Variants in ZBTB20 observed in about 807,000 individuals in gnomAD.
The protein encoded by ZBTB20 is zinc finger and BTB domain containing 20.
A neutral mutation model predicts 56.9 loss-of-function variants in ZBTB20; 9 were observed. The ratio of observed to expected loss-of-function variants is 0.16; its 90% CI spans 0.10 to 0.28. The LOEUF is 0.28. Among genes scored for constraint, ZBTB20 ranks in the 10% least tolerant of loss-of-function variants. The probability of loss-of-function intolerance (pLI) is 1.00; values close to 1 mark genes in which losing one functional copy is unlikely to be tolerated. For missense variants in ZBTB20, 655 were observed against 1,003.0 expected, an observed-to-expected ratio of 0.65 and a Z score of 4.69; for synonymous variants, 417 against 420.7, an observed-to-expected ratio of 0.99 and a Z score of 0.11.
Position 115,084,058 on chromosome 3 carries a change from T to TA in ZBTB20, c.-702-12645dup, listed in dbSNP as rs534445530. 3.6e-3 allele frequency among the ~76,000 whole-genome samples: 540 copies of TA among 152,014 alleles called. 3 individuals carry two copies. The highest frequency in any genetic ancestry group is 0.012 in the African/African-American group (513 of 41,522). ...GCTAATAAAGTGTTAAAAGTTTTTTTAATAAAGGATAGTAAAATAATGTTA... is the reference window on the plus strand; with the variant it reads ...GCTAATAAAGTGTTAAAAGTTTTTTTAAATAAAGGATAGTAAAATAATGTTA... On this transcript the variant is annotated intron_variant, in intron 1 of 11. Transcript: ENST00000675478.
chr3:115,037,588 GT>G (rs2108375104), intron 2 of ZBTB20, among the ~76,000 whole-genome samples: 1 of 152,224 alleles, frequency 6.6e-6, no homozygotes, highest in South Asian at 2.1e-4. Flanking sequence ...TGGGCCCCAA[GT>G]AAAGAATTTT....
At chr3:114,934,237 GACTCTGCCCT>G (rs2076455548) in intron 3 of ZBTB20, among the ~76,000 whole-genome samples, 1 of 152,076 alleles carries the variant, frequency 6.6e-6, no homozygotes, top group Admixed American at 6.5e-5. Flanking sequence ...CCCATTTCTA[GACTCTGCCCT>G]GGCAGAGTCC....
At chr3:114,755,763 G>A (rs547676191) in intron 5 of ZBTB20, among the ~76,000 whole-genome samples, 3 of 152,016 alleles carry the variant, frequency 2.0e-5, no homozygotes, top group Admixed American at 6.6e-5. Flanking sequence ...TTCTGCTTCC[G>A]ACCTGACCTT....
chr3:114,404,897 G>A (rs1167407570), intron 7 of ZBTB20, among the ~76,000 whole-genome samples: 1 of 152,032 alleles, frequency 6.6e-6, no homozygotes, highest in Non-Finnish European at 1.5e-5. Flanking sequence ...CACAACTCAC[G>A]ACTAGCATAA....
intron 6 of ZBTB20, among the ~76,000 whole-genome samples, chr3:114,523,249 A>AT (rs1177267658): frequency 6.6e-6 from 1 of 152,212 alleles, no homozygotes; most frequent in Non-Finnish European, 1.5e-5. Flanking sequence ...TGGTTAATGG[A>AT]TTTAGCAACA....
chr3:114,887,775 T>C (rs759562934), intron 4 of ZBTB20, among the ~76,000 whole-genome samples: 1 of 152,126 alleles, frequency 6.6e-6, no homozygotes, highest in Admixed American at 6.5e-5. Flanking sequence ...ACAGCAGCCA[T>C]AGGTAACTAG....
intron 4 of ZBTB20, among the ~76,000 whole-genome samples, chr3:114,802,761 A>G (rs1347602715): frequency 6.6e-6 from 1 of 151,912 alleles, no homozygotes; most frequent in Non-Finnish European, 1.5e-5. Context: ...AAAACTGCCC[A>G]CCTCTGGATA....
intron 6 of ZBTB20, among the ~76,000 whole-genome samples, chr3:114,525,370 C>T (rs2047101532): frequency 6.6e-6 from 1 of 152,114 alleles, no homozygotes; most frequent in Admixed American, 6.5e-5. Flanking sequence ...TCCCTCCTTT[C>T]CTGCTCAAAC....
intron 2 of ZBTB20, among the ~76,000 whole-genome samples, chr3:114,992,856 C>G (rs966562419): frequency 6.6e-6 from 1 of 151,750 alleles, no homozygotes; most frequent in Non-Finnish European, 1.5e-5. Context: ...ATCAGCATTG[C>G]ATTATTTGGG....
chr3:115,128,359 T>C (rs2084395211), intron 1 of ZBTB20, among the ~76,000 whole-genome samples: 1 of 152,018 alleles, frequency 6.6e-6, no homozygotes, highest in Non-Finnish European at 1.5e-5. Context: ...AAAGTCCATT[T>C]ACAGAAATGA....
intron 4 of ZBTB20, among the ~76,000 whole-genome samples, chr3:114,887,053 C>A (rs2076627645): frequency 1.3e-5 from 2 of 152,164 alleles, no homozygotes; most frequent in Admixed American, 6.5e-5. Flanking sequence ...TAGGACATCA[C>A]ATGGCAAGGG....
chr3:114,725,653 G>A (rs1016498511), intron 5 of ZBTB20, among the ~76,000 whole-genome samples: 17 of 152,212 alleles, frequency 1.1e-4, no homozygotes, highest in African/African-American at 3.6e-4. Context: ...CCCAATCAGC[G>A]AAATCCCAGA....
intron 6 of ZBTB20, among the ~76,000 whole-genome samples, chr3:114,571,423 A>G (rs1179954332): frequency 6.6e-6 from 1 of 152,208 alleles, no homozygotes; most frequent in African/African-American, 2.4e-5. Context: ...AGGTCAAAGA[A>G]CTCAAAATAA....
chr3:114,714,232 T>C (rs2064297308), intron 5 of ZBTB20, among the ~76,000 whole-genome samples: 1 of 152,224 alleles, frequency 6.6e-6, no homozygotes, highest in Admixed American at 6.5e-5. Context: ...CCATGGTGTG[T>C]CCTCTTAACT....
intron 3 of ZBTB20, among the ~76,000 whole-genome samples, chr3:114,910,954 G>T (rs1413140151): frequency 6.6e-6 from 1 of 152,010 alleles, no homozygotes; most frequent in Non-Finnish European, 1.5e-5. Flanking sequence ...TGTGTTTAGA[G>T]TTCACTAAGC....
intron 6 of ZBTB20, among the ~76,000 whole-genome samples, chr3:114,623,867 C>G (rs1053245911): frequency 6.6e-6 from 1 of 152,016 alleles, no homozygotes; most frequent in Non-Finnish European, 1.5e-5. Context: ...TGACATCCAT[C>G]GGTGGCAGTA....
In ZBTB20 at chr3:114,315,010, T is replaced by A. The variant is rs551392437; in HGVS notation, c.*23995A>T. ...TAAAGCACTTGATAGAAAAGGCGTATGCAAGGTTTTTCCAAACAATTTTTC... is the reference window on the plus strand; with the variant it reads ...TAAAGCACTTGATAGAAAAGGCGTAAGCAAGGTTTTTCCAAACAATTTTTC... On this transcript the variant is annotated 3_prime_UTR_variant, in exon 12 of 12. Transcript: ENST00000675478. The A allele has an allele frequency of 6.6e-6, 1 of 152,288 alleles. No individual in the cohort carries two copies. The highest frequency in any genetic ancestry group is 6.5e-5 in the Admixed American group (1 of 15,298). The allele number at this position is 152,288 out of a possible 1,614,324, so 9.4% of individuals were successfully genotyped here. A position where few individuals can be genotyped will look rare whatever the true frequency, so the allele number is the denominator to read the frequency against.
At chr3:114,373,480 G>C (rs2083270700) in intron 10 of ZBTB20, among the ~76,000 whole-genome samples, 1 of 152,140 alleles carries the variant, frequency 6.6e-6, no homozygotes, top group Admixed American at 6.5e-5. Flanking sequence ...CGCTCTGTTT[G>C]TGCCTCTATG....
At chr3:114,741,366 CAAAT>C (rs2108593883) in intron 5 of ZBTB20, among the ~76,000 whole-genome samples, 2 of 152,188 alleles carry the variant, frequency 1.3e-5, no homozygotes, top group South Asian at 4.2e-4. Context: ...ATTGGACAGT[CAAAT>C]AATTTCTTTC....
Sources: allele counts gnomAD v4.1 joint callset (sites outside exome capture counted in the v4.1 genomes callset), GRCh38; gene constraint gnomAD v4.1.1; transcripts MANE v1.5; gene names NCBI Gene and HGNC (gene_info 2026-07-23, HGNC 2026-07-21).